Variants in KIF15 observed in about 807,000 individuals in gnomAD.
KIF15 encodes the protein kinesin-like protein KIF15.
Under a neutral mutation model 190.6 loss-of-function variants are expected in KIF15, and 140 were observed. That is an observed-to-expected ratio of 0.73 (90% CI 0.64 to 0.84). The LOEUF is 0.84. Among genes scored for constraint, KIF15 ranks in the 40% least tolerant of loss-of-function variants. The pLI, the probability that KIF15 is intolerant of heterozygous loss-of-function variation, is 0.00. For synonymous variants in KIF15, 528 were observed against 551.3 expected (o/e 0.96, Z 0.59); for missense variants, 1,372 against 1,584.4 (o/e 0.87, Z 2.28).
At chr3:44,843,548 A>C (rs372710148) in intron 30 of KIF15, among the ~76,000 whole-genome samples, 2 of 152,260 alleles carry the variant, frequency 1.3e-5, no homozygotes, top group East Asian at 3.8e-4. Context: ...AAGGTTCAAG[A>C]AGCCTTGCAG....
At chr3:44,848,424 T>C in intron 31 of KIF15, 97 bp from the exon 32 acceptor site, 1 of 626,374 alleles carries the variant, frequency 1.6e-6, no homozygotes, top group Non-Finnish European at 2.8e-6. Flanking sequence ...TTTATTCACA[T>C]GAAGGAGAAT....
chr3:44,800,317 G>T lies in KIF15; in HGVS notation c.1102G>T (p.Val368Leu). The part of the protein sequence containing the change: ...QRAKLIKNKA[V>L]VNEDTQGNVS... ...TTTTTAAAAAATTCCTGAACAGGCA[G>T]TAGTAAATGAAGACACCCAAGGAAA... The change falls in exon 11 of 35, where the codon GTA becomes TTA. Residue 368 changes from valine (V) to leucine (L), a missense_variant. Transcript: ENST00000326047. 6.2e-7 allele frequency: 1 copy of T among 1,613,900 alleles called. No individual in the cohort carries two copies. Among genetic ancestry groups the T allele is most frequent in the Non-Finnish European group, 8.5e-7 (1 of 1,179,902 alleles).
At chr3:44,776,562 CA>C (rs2125905196) in intron 3 of KIF15, among the ~76,000 whole-genome samples, 1 of 152,220 alleles carries the variant, frequency 6.6e-6, no homozygotes, top group East Asian at 1.9e-4. Flanking sequence ...GTGGCTCATG[CA>C]TCTGAGGCAC....
chr3:44,771,212 A>G (rs1705626639), intron 1 of KIF15, among the ~76,000 whole-genome samples: 2 of 152,206 alleles, frequency 1.3e-5, no homozygotes. Context: ...GTGGTTTATA[A>G]TAACTTAACA....
At chr3:44,767,357 G>A (rs114874642) in intron 1 of KIF15, among the ~76,000 whole-genome samples, 1,636 of 152,210 alleles carry the variant, frequency 0.011, 22 homozygotes, top group African/African-American at 0.036. Context: ...TTGGATTGTG[G>A]GTATATTTTG....
chr3:44,774,307 G>A, intron 1 of KIF15, 88 bp from the exon 2 acceptor site: 2 of 1,152,254 alleles, frequency 1.7e-6, no homozygotes, highest in South Asian at 1.3e-5. Flanking sequence ...GAGGCTGAAT[G>A]TAGCAGGCAA....
At chr3:44,813,498 A>G (rs1391591255) in intron 19 of KIF15, among the ~76,000 whole-genome samples, 1 of 151,764 alleles carries the variant, frequency 6.6e-6, no homozygotes, top group African/African-American at 2.4e-5. Flanking sequence ...GCTCACTGCA[A>G]CCTCCACCTC....
At chr3:44,825,166 G>A (rs1697573505) in intron 20 of KIF15, among the ~76,000 whole-genome samples, 1 of 152,298 alleles carries the variant, frequency 6.6e-6, no homozygotes, top group East Asian at 1.9e-4. Flanking sequence ...GCCTTCAATG[G>A]TTGTTAAGTC....
At chr3:44,786,087 GCACCT>G (rs1559532425) in intron 6 of KIF15, among the ~76,000 whole-genome samples, 1 of 152,116 alleles carries the variant, frequency 6.6e-6, no homozygotes, top group Non-Finnish European at 1.5e-5. Flanking sequence ...GTGGTGGCGG[GCACCT>G]GTAGTCCCAG....
chr3:44,789,639 ATT>A, intron 7 of KIF15, among the ~76,000 whole-genome samples: 5 of 78,156 alleles, frequency 6.4e-5, no homozygotes, highest in Admixed American at 1.8e-4. Flanking sequence ...TTTTTGTCTA[ATT>A]TTATATATAT....
At chr3:44,802,077 T>A in intron 13 of KIF15, 103 bp downstream of exon 13, 2 of 768,262 alleles carry the variant, frequency 2.6e-6, no homozygotes, top group Non-Finnish European at 4.1e-6. Context: ...GAAATTGTTT[T>A]AAGTGAATTC....
rs145352477 is a variant in KIF15, at chr3:44,829,010, G to A, written c.2943+710G>A. Among the ~76,000 whole-genome samples, 15 of 151,002 alleles carry A rather than the reference G, an allele frequency of 9.9e-5. No homozygotes were observed. In the South Asian group the frequency reaches 3.1e-3, roughly 32 times the overall value. ...CAAGATCACACCATTGCACTCCAGT[G>A]TGGGCAACAAGAGCGAAACTCTGTC... On this transcript the variant is annotated intron_variant, in intron 24 of 34. Coordinates refer to ENST00000326047, the MANE Select transcript of KIF15 (RefSeq NM_020242.3).
Position 44,848,073 on chromosome 3 carries a change from A to G in KIF15, c.3768+16A>G. ...ACTTGCAAAAGTAAGATTTTTTTTT[A>G]TGTAATAGTTTCTTCTTGTCTGAGC... On this transcript the variant is annotated intron_variant, in intron 31 of 34. Transcript: ENST00000326047. 1 of 1,457,336 alleles carries G rather than the reference A, an allele frequency of 6.9e-7. No individual in the cohort carries two copies. Among genetic ancestry groups the G allele is most frequent in the Non-Finnish European group, 9.6e-7 (1 of 1,040,988 alleles). The allele number at this position is 1,457,336 out of a possible 1,614,324, so 90.3% of individuals were successfully genotyped here. A position where few individuals can be genotyped will look rare whatever the true frequency, so the allele number is the denominator to read the frequency against.
At chr3:44,769,840 G>A (rs1233191360) in intron 1 of KIF15, among the ~76,000 whole-genome samples, 1 of 152,202 alleles carries the variant, frequency 6.6e-6, no homozygotes, top group East Asian at 1.9e-4. Flanking sequence ...GACACACCCA[G>A]ATAACTGGTG....
At chr3:44,796,855 C>T (rs1240721050) in intron 8 of KIF15, among the ~76,000 whole-genome samples, 1 of 152,054 alleles carries the variant, frequency 6.6e-6, no homozygotes, top group Non-Finnish European at 1.5e-5. Context: ...AGTTATTAGG[C>T]ATTATACCCT....
intron 21 of KIF15, 65 bp from the exon 22 acceptor site, chr3:44,826,310 C>T: frequency 6.4e-7 from 1 of 1,564,250 alleles, no homozygotes. Flanking sequence ...ATAGAAGGTA[C>T]TTGACATGTT....
chr3:44,763,749 G>A (rs60642160), intron 1 of KIF15, among the ~76,000 whole-genome samples: 1,656 of 151,586 alleles, frequency 0.011, 28 homozygotes, highest in African/African-American at 0.037. Flanking sequence ...GTGCAGTGAC[G>A]CAATCTTGGC....
In KIF15 at chr3:44,827,504, A is replaced by G. The variant is rs1290265433; in HGVS notation, c.2832A>G (p.Lys944=). 1 of 1,612,076 alleles carries G rather than the reference A, an allele frequency of 6.2e-7. No homozygotes were observed. The highest frequency in any genetic ancestry group is 8.5e-7 in the Non-Finnish European group (1 of 1,178,386). ...AGGCTGTACGTCAGGAGAAACAGAA[A>G]GAGACGGCCAAGTGTGAGCAGCAGG... ...VLEAVRQEKQ[K]ETAKCEQQMA... Residue 944 remains lysine, a synonymous_variant, in exon 23 of 35, where the codon AAA becomes AAG. Transcript: ENST00000326047.
In KIF15 at chr3:44,864,907, C is replaced by A; in HGVS notation, c.*60-8422C>A. The A allele has an allele frequency of 3.5e-6, 4 of 1,156,642 alleles. 1 individual carries two copies. The highest frequency in any genetic ancestry group is 3.0e-5 in the South Asian group (2 of 66,106). 71.6% of individuals were successfully genotyped at this position (1,156,642 alleles called of 1,614,324 possible). A position where few individuals can be genotyped will look rare whatever the true frequency, so the allele number is the denominator to read the frequency against. The stretch of plus-strand genomic sequence containing the variant: ...TAGAGTGACTTGATGAAGGTGACAG[C>A]TAGGTTTCAAGCCCAAGGCTTCTGG... On this transcript the variant is annotated intron_variant and NMD_transcript_variant, in intron 6 of 6. Coordinates refer to the KIF15 transcript ENST00000422209.
Sources: allele counts gnomAD v4.1 joint callset (sites outside exome capture counted in the v4.1 genomes callset), GRCh38; gene constraint gnomAD v4.1.1; transcripts MANE v1.5; gene names NCBI Gene and HGNC (gene_info 2026-07-23, HGNC 2026-07-21).